Variants in HIP1 observed in about 807,000 individuals in gnomAD.
HIP1 encodes huntingtin-interacting protein 1.
HIP1 carries 65 observed loss-of-function variants against 147.6 expected under a neutral mutation model. The ratio of observed to expected loss-of-function variants is 0.44; its 90% CI spans 0.36 to 0.54. The LOEUF is 0.54. Ranked by LOEUF, HIP1 falls within the 20% of genes least tolerant of loss-of-function variation. The probability of loss-of-function intolerance (pLI) is 0.00; values close to 1 mark genes in which losing one functional copy is unlikely to be tolerated. For missense variants in HIP1, 1,061 were observed against 1,299.6 expected (o/e 0.82, Z 2.82); for synonymous variants, 479 against 504.0 (o/e 0.95, Z 0.67).
intron 1 of HIP1, among the ~76,000 whole-genome samples, chr7:75,664,381 T>G (rs1215128386): frequency 1.4e-5 from 2 of 140,702 alleles, no homozygotes; most frequent in East Asian, 4.3e-4. Context: ...CATACATATG[T>G]GTATGTATAC....
intron 17 of HIP1, 67 bp from the exon 18 acceptor site, chr7:75,556,236 G>T: frequency 6.4e-7 from 1 of 1,561,214 alleles, no homozygotes. Flanking sequence ...CTTCCCAGAG[G>T]TCCAACCCAC....
At chr7:75,603,829 C>T (rs587638129) in intron 1 of HIP1, among the ~76,000 whole-genome samples, 4 of 151,502 alleles carry the variant, frequency 2.6e-5, no homozygotes, top group Non-Finnish European at 4.4e-5. Context: ...GCCGTGATCG[C>T]CCCCACTGCA....
At chr7:75,668,473 C>T (rs114701170) in intron 1 of HIP1, among the ~76,000 whole-genome samples, 4,287 of 152,178 alleles carry the variant, frequency 0.028, 193 homozygotes, top group African/African-American at 0.092. Context: ...TACAGGTGGC[C>T]GCCAGCACAC....
At chr7:75,660,374 A>G (rs1554513435) in intron 1 of HIP1, among the ~76,000 whole-genome samples, 1 of 151,706 alleles carries the variant, frequency 6.6e-6, no homozygotes, top group East Asian at 1.9e-4. Context: ...TAACAATACA[A>G]AAATTAGCTG....
At chr7:75,689,537 T>C (rs901054081) in intron 1 of HIP1, among the ~76,000 whole-genome samples, 7 of 152,114 alleles carry the variant, frequency 4.6e-5, no homozygotes, top group South Asian at 4.1e-4. Flanking sequence ...CAACTCACTG[T>C]AGAAAATTAT....
intron 1 of HIP1, among the ~76,000 whole-genome samples, chr7:75,728,761 C>T (rs868913702): frequency 7.2e-6 from 1 of 138,220 alleles, no homozygotes; most frequent in African/African-American, 2.8e-5. Flanking sequence ...GCACTCCAGC[C>T]TGGGAGACAC....
chr7:75,562,881 C>G, intron 11 of HIP1, 54 bp downstream of exon 11: 1 of 1,596,670 alleles, frequency 6.3e-7, no homozygotes, highest in Non-Finnish European at 8.6e-7. Flanking sequence ...CAGCCTCTCC[C>G]CTGTACTTGC....
In HIP1 at chr7:75,719,503, C is replaced by CAA. The variant is rs782452885; in HGVS notation, c.120+19296_120+19297dup. Among the ~76,000 whole-genome samples, 263 of 117,882 alleles carry CAA rather than the reference C, an allele frequency of 2.2e-3. 2 individuals are homozygous for CAA. Among genetic ancestry groups the CAA allele is most frequent in the African/African-American group, 7.4e-3 (230 of 31,262 alleles). The allele number at this position is 117,882 out of a possible 152,430, so 77.3% of individuals were successfully genotyped here. On this transcript the variant is annotated intron_variant, in intron 1 of 30. Coordinates refer to ENST00000336926, the MANE Select transcript of HIP1 (RefSeq NM_005338.7). ...TGGGCGACAGAGCGAGACTCCATCT[C>CAA]AAAAAAAAAAAAAAAGAAGACTAAT...
chr7:75,540,383 C>T lies in HIP1; in HGVS notation c.2953-952G>A, dbSNP rs373380293. Among the ~76,000 whole-genome samples, 112 of 147,238 alleles carry T rather than the reference C, an allele frequency of 7.6e-4. 1 individual carries two copies. The highest frequency in any genetic ancestry group is 2.6e-3 in the African/African-American group (104 of 39,642). The stretch of plus-strand genomic sequence containing the variant: ...GGCGGAGGTTGCAGTGAACCAAGAT[C>T]GTGCCATTGTACTCACTCCAGCCTA... On this transcript the variant is annotated intron_variant, in intron 29 of 30. Coordinates refer to ENST00000336926, the MANE Select transcript of HIP1 (RefSeq NM_005338.7).
chr7:75,568,519 G>A lies in HIP1; in HGVS notation c.746-263C>T, dbSNP rs1407317259. Among the ~76,000 whole-genome samples, 3 of 152,330 alleles carry A rather than the reference G, an allele frequency of 2.0e-5. No homozygotes were observed. The highest frequency in any genetic ancestry group is 4.1e-4 in the South Asian group (2 of 4,828). ...GACAAGCCATGCCGGGCACAATAGG[G>A]TGGAAATTGTGTCCTGGACTAGAGA... On this transcript the variant is annotated intron_variant, in intron 8 of 30. Transcript: ENST00000336926. This position sits in a 1 kb window ranked among gnomAD's most constrained non-coding sequence, Gnocchi z 4.1.
intron 1 of HIP1, among the ~76,000 whole-genome samples, chr7:75,664,175 T>C (rs1297159227): frequency 3.5e-5 from 3 of 85,660 alleles, no homozygotes; most frequent in East Asian, 6.1e-4. Context: ...TACATACATA[T>C]ATGTACATAC....
intron 1 of HIP1, among the ~76,000 whole-genome samples, chr7:75,735,831 C>CA (rs1220477935): frequency 6.6e-6 from 1 of 152,032 alleles, no homozygotes; most frequent in Non-Finnish European, 1.5e-5. Flanking sequence ...ACTGGGACAA[C>CA]AGGCACGTGA....
intron 2 of HIP1, among the ~76,000 whole-genome samples, chr7:75,595,491 C>T (rs1028084138): frequency 2.6e-5 from 4 of 151,598 alleles, no homozygotes; most frequent in African/African-American, 4.9e-5. Flanking sequence ...CACAGGCACC[C>T]GCCACCATGC....
intron 1 of HIP1, among the ~76,000 whole-genome samples, chr7:75,683,974 T>C (rs1414859465): frequency 6.7e-6 from 1 of 149,902 alleles, no homozygotes; most frequent in Non-Finnish European, 1.5e-5. Context: ...ACAAGCTAAG[T>C]AGTTCTCTGA....
intron 1 of HIP1, among the ~76,000 whole-genome samples, chr7:75,731,545 C>G (rs1351058832): frequency 1.3e-5 from 2 of 150,960 alleles, no homozygotes; most frequent in Admixed American, 1.3e-4. Flanking sequence ...GGTTCACGAG[C>G]AGCTCTCCTT....
intron 25 of HIP1, 82 bp downstream of exon 25, chr7:75,546,857 C>T (rs1554491117): frequency 2.0e-5 from 19 of 959,912 alleles, no homozygotes; most frequent in South Asian, 1.0e-4. Flanking sequence ...CAGAGTAAGA[C>T]GGCAGCATCA....
Position 75,549,325 on chromosome 7 carries a change from A to AT in HIP1, c.2296-325dup, listed in dbSNP as rs199566385. Among the ~76,000 whole-genome samples, 1,237 of 147,750 alleles carry AT rather than the reference A, an allele frequency of 8.4e-3. 20 individuals carry two copies. The highest frequency in any genetic ancestry group is 0.028 in the African/African-American group (1,136 of 40,074). Reference sequence around the variant, plus strand: ...CAATTGTACTAGCTACACAGGAGGTATTTTTTTACAATTTTTCTTTTTCTT... The same window carrying AT: ...CAATTGTACTAGCTACACAGGAGGTATTTTTTTTACAATTTTTCTTTTTCTT... On this transcript the variant is annotated intron_variant, in intron 22 of 30. Transcript: ENST00000336926.
intron 16 of HIP1, 25 bp downstream of exon 16, chr7:75,557,629 C>T: frequency 6.5e-7 from 1 of 1,541,078 alleles, no homozygotes; most frequent in Non-Finnish European, 9.0e-7. Context: ...TCCCTCATTT[C>T]CCGAGTGCTC....
At chr7:75,679,966 T>C (rs932284331) in intron 1 of HIP1, among the ~76,000 whole-genome samples, 13 of 152,216 alleles carry the variant, frequency 8.5e-5, no homozygotes, top group Non-Finnish European at 1.9e-4. Flanking sequence ...ATCCTAGAAA[T>C]AGCCTGTGAC....
Sources: allele counts gnomAD v4.1 joint callset (sites outside exome capture counted in the v4.1 genomes callset), GRCh38; gene constraint gnomAD v4.1.1; non-coding constraint Gnocchi (gnomAD v3.1); transcripts MANE v1.5; gene names NCBI Gene and HGNC (gene_info 2026-07-23, HGNC 2026-07-21).